The following RUFY1 variants were observed in gnomAD, a reference collection of about 807,000 sequenced individuals.
RUFY1 encodes RUN and FYVE domain-containing protein 1.
Under a neutral mutation model 94.6 loss-of-function variants are expected in RUFY1, and 54 were observed. The observed-to-expected ratio is 0.57, with a 90% CI of 0.46 to 0.72. RUFY1 has a LOEUF of 0.72. RUFY1 is among the 30% of genes least tolerant of loss of function. The probability of loss-of-function intolerance (pLI) is 0.00; values close to 1 mark genes in which losing one functional copy is unlikely to be tolerated. For synonymous variants in RUFY1, 396 were observed against 347.3 expected, an observed-to-expected ratio of 1.14 and a Z score of -1.56; for missense variants, 883 against 883.9, an observed-to-expected ratio of 1.00 and a Z score of 0.01.
chr5:179,563,223 G>A (rs1762577577), intron 3 of RUFY1, among the ~76,000 whole-genome samples: 1 of 152,120 alleles, frequency 6.6e-6, no homozygotes, highest in East Asian at 1.9e-4. Flanking sequence ...TTCCCAGACG[G>A]GACTGGACTG....
intron 15 of RUFY1, among the ~76,000 whole-genome samples, chr5:179,605,078 A>C (rs1581573696): frequency 6.6e-6 from 1 of 152,118 alleles, no homozygotes; most frequent in African/African-American, 2.4e-5. Flanking sequence ...CAGGAGTTCA[A>C]GACCAGCCTG....
At chr5:179,594,716 A>C (rs28526620) in intron 11 of RUFY1, 150 bp from the exon 12 acceptor site, 32,651 of 450,078 alleles carry the variant, frequency 0.073, 1,537 homozygotes, top group South Asian at 0.11. Context: ...AGCCAAGATC[A>C]CGCCACTGCA....
chr5:179,596,519 C>G, intron 12 of RUFY1, 43 bp from the exon 13 acceptor site: 1 of 1,612,856 alleles, frequency 6.2e-7, no homozygotes, highest in South Asian at 1.1e-5. Context: ...CCTTTCCTTA[C>G]AAAGATTTGC....
chr5:179,586,405 C>G (rs1345622560), intron 8 of RUFY1: 1 of 456,630 alleles, frequency 2.2e-6, no homozygotes, highest in Admixed American at 2.3e-5. Flanking sequence ...GCCCGGCAGT[C>G]TCCTTGCTGG....
intron 15 of RUFY1, 47 bp from the exon 16 acceptor site, chr5:179,605,829 C>CGG: frequency 3.0e-6 from 3 of 1,008,020 alleles, no homozygotes; most frequent in Non-Finnish European, 3.1e-6. Context: ...GGATTCAGAG[C>CGG]CTCACTCTCT....
intron 15 of RUFY1, chr5:179,602,735 C>T (rs527908340): frequency 6.6e-6 from 1 of 152,418 alleles, no homozygotes; most frequent in East Asian, 1.9e-4. Flanking sequence ...TGTCTCCTAC[C>T]TCTGCTATCC....
intron 1 of RUFY1, among the ~76,000 whole-genome samples, chr5:179,557,404 T>C (rs749360657): frequency 2.0e-5 from 3 of 152,178 alleles, no homozygotes; most frequent in Non-Finnish European, 2.9e-5. Flanking sequence ...CACTCCAGCC[T>C]GGACAACAAG....
intron 17 of RUFY1, chr5:179,608,150 C>G (rs537193630): frequency 4.5e-4 from 122 of 270,134 alleles, no homozygotes; most frequent in Admixed American, 8.7e-4. Context: ...GTTGACTGGG[C>G]CTTATTAACA....
At chr5:179,608,037 C>T (rs2127579278) in intron 17 of RUFY1, among the ~76,000 whole-genome samples, 1 of 152,292 alleles carries the variant, frequency 6.6e-6, no homozygotes, top group South Asian at 2.1e-4. Flanking sequence ...GGGGAACCTA[C>T]AGGGCAGCAG....
In RUFY1 at chr5:179,609,386, G is replaced by T; in HGVS notation, c.1994G>T (p.Arg665Leu). Residue 665 changes from arginine to leucine, a missense_variant, in exon 18 of 18, where the codon CGG (arginine) becomes CTG (leucine). Physicochemically the swap from Arg to Leu is moderately radical, Grantham distance 102 (BLOSUM62 -2). Coordinates refer to ENST00000319449, the MANE Select transcript of RUFY1 (RefSeq NM_025158.5). Reference sequence around the variant, plus strand: ...CTTCCCGTCCTGTAGCACCACTGCCGGAACTGTGGCCACATCTTCTGCAAC... The same window carrying T: ...CTTCCCGTCCTGTAGCACCACTGCCTGAACTGTGGCCACATCTTCTGCAAC... ...FSISRRKHHCRNCGHIFCNTC... is the reference protein window; with the variant it reads ...FSISRRKHHCLNCGHIFCNTC... 6.2e-7 allele frequency: 1 copy of T among 1,613,292 alleles called. No individual in the cohort carries two copies. Among genetic ancestry groups the T allele is most frequent in the Non-Finnish European group, 8.5e-7 (1 of 1,179,898 alleles).
chr5:179,567,584 C>T (rs960283267), intron 4 of RUFY1, 22 bp downstream of exon 4: 3 of 1,533,576 alleles, frequency 2.0e-6, no homozygotes, highest in African/African-American at 2.7e-5. Context: ...ACCATGTTTG[C>T]TTATCTTTTG....
intron 8 of RUFY1, chr5:179,586,248 A>G (rs1181100814): frequency 4.4e-6 from 2 of 450,314 alleles, no homozygotes; most frequent in Non-Finnish European, 4.5e-6. Flanking sequence ...AGGAATAAGT[A>G]TCCAGCCCAC....
chr5:179,598,604 T>A (rs893003530), intron 13 of RUFY1, 88 bp from the exon 14 acceptor site: 109 of 1,499,988 alleles, frequency 7.3e-5, no homozygotes, highest in Non-Finnish European at 9.8e-5. Context: ...TTCAGAGACT[T>A]CCCTGTTTCC....
chr5:179,599,751 C>G (rs1462899675), intron 14 of RUFY1: 1 of 152,486 alleles, frequency 6.6e-6, no homozygotes, highest in African/African-American at 2.4e-5. Flanking sequence ...GATGGCGTGC[C>G]CTCTTCTCAG....
intron 6 of RUFY1, among the ~76,000 whole-genome samples, chr5:179,577,809 CG>C (rs1456840660): frequency 7.3e-6 from 1 of 137,610 alleles, no homozygotes; most frequent in Non-Finnish European, 1.5e-5. Context: ...GTGCGCACAT[CG>C]GGTGGTGTCC....
chr5:179,571,454 A>G (rs1238136320), intron 5 of RUFY1, among the ~76,000 whole-genome samples: 1 of 151,524 alleles, frequency 6.6e-6, no homozygotes, highest in Non-Finnish European at 1.5e-5. Flanking sequence ...AGCTCTAATC[A>G]TGCCACTGCA....
chr5:179,589,441 C>A, intron 8 of RUFY1, 105 bp from the exon 9 acceptor site: 1 of 722,502 alleles, frequency 1.4e-6, no homozygotes, highest in South Asian at 1.6e-5. Context: ...AATATCAAAC[C>A]TGTGAACATA....
chr5:179,555,999 A>AATTGCATCTCT (rs1762101023), intron 1 of RUFY1, among the ~76,000 whole-genome samples: 1 of 152,064 alleles, frequency 6.6e-6, no homozygotes, highest in African/African-American at 2.4e-5. Flanking sequence ...CTCCCAGCCG[A>AATTGCATCTCT]AAACTTAACT....
At chr5:179,564,599 A>G (rs545338702) in intron 3 of RUFY1, among the ~76,000 whole-genome samples, 280 of 150,822 alleles carry the variant, frequency 1.9e-3, no homozygotes, top group African/African-American at 6.6e-3. Context: ...TGAACCCAGG[A>G]GGTGGAGGTT....
Sources: gnomAD v4.1 joint callset for allele counts (sites outside exome capture counted in the v4.1 genomes callset) on GRCh38, gnomAD v4.1.1 for gene constraint, MANE v1.5 for transcripts, NCBI Gene and HGNC (gene_info 2026-07-23, HGNC 2026-07-21) for gene names.